BACH2: variants seen among roughly 807,000 people sequenced by gnomAD.
BACH2 encodes BACH transcriptional regulator 2.
BACH2 carries 5 observed loss-of-function variants against 61.8 expected under a neutral mutation model. The ratio of observed to expected loss-of-function variants is 0.08; its 90% CI spans 0.04 to 0.17. The LOEUF is 0.17. Among genes scored for constraint, BACH2 ranks in the 10% least tolerant of loss-of-function variants. The pLI is 1.00. For synonymous variants in BACH2, 446 were observed against 440.1 expected (o/e 1.01, Z -0.17); for missense variants, 824 against 1,091.1 (o/e 0.76, Z 3.45).
chr6:90,091,765 G>A (rs1184376037), intron 4 of BACH2, among the ~76,000 whole-genome samples: 1 of 152,162 alleles, frequency 6.6e-6, no homozygotes, highest in East Asian at 1.9e-4. Flanking sequence ...ATCCTATTTT[G>A]GGAGTGATTT....
intron 4 of BACH2, among the ~76,000 whole-genome samples, chr6:90,096,004 A>G (rs1473948231): frequency 1.3e-5 from 2 of 152,160 alleles, no homozygotes; most frequent in African/African-American, 2.4e-5. Context: ...TTTCCTGTAC[A>G]ACACTGCCTT....
chr6:90,059,418 CA>C (rs1441238574), intron 5 of BACH2, among the ~76,000 whole-genome samples: 6 of 152,162 alleles, frequency 3.9e-5, no homozygotes, highest in African/African-American at 1.4e-4. Context: ...ATCAAAACCA[CA>C]AGGAGATACC....
At chr6:90,072,271 T>C (rs1781267415) in intron 5 of BACH2, among the ~76,000 whole-genome samples, 1 of 152,206 alleles carries the variant, frequency 6.6e-6, no homozygotes, top group African/African-American at 2.4e-5. Flanking sequence ...GTGCCTCTAC[T>C]TGAGTGAACT....
intron 6 of BACH2, among the ~76,000 whole-genome samples, chr6:90,007,081 AT>A (rs1446052604): frequency 6.6e-6 from 1 of 151,564 alleles, no homozygotes; most frequent in Non-Finnish European, 1.5e-5. Flanking sequence ...AATTATTATT[AT>A]TATTTTTTTT....
At chr6:90,078,339 T>C (rs1781566336) in intron 5 of BACH2, among the ~76,000 whole-genome samples, 5 of 152,064 alleles carry the variant, frequency 3.3e-5, no homozygotes, top group Admixed American at 1.3e-4. Flanking sequence ...AGGGAGAAGG[T>C]AAAAATTACT....
chr6:89,985,669 G>A (rs1042350922), intron 6 of BACH2, among the ~76,000 whole-genome samples: 1 of 152,084 alleles, frequency 6.6e-6, no homozygotes, highest in East Asian at 1.9e-4. Flanking sequence ...GGGGAAAATC[G>A]GAATACTCAA....
intron 4 of BACH2, among the ~76,000 whole-genome samples, chr6:90,173,631 T>C (rs1178345738): frequency 1.3e-5 from 2 of 152,022 alleles, no homozygotes; most frequent in South Asian, 2.1e-4. Context: ...CAAAATAACA[T>C]AGTGATAAAA....
intron 2 of BACH2, among the ~76,000 whole-genome samples, chr6:90,269,988 T>A (rs1771468228): frequency 6.6e-6 from 1 of 152,206 alleles, no homozygotes; most frequent in Non-Finnish European, 1.5e-5. Flanking sequence ...TATATTTGGT[T>A]TTCCATTCCT....
intron 6 of BACH2, among the ~76,000 whole-genome samples, chr6:89,995,953 A>G (rs1251551155): frequency 6.6e-6 from 1 of 152,236 alleles, no homozygotes; most frequent in African/African-American, 2.4e-5. Context: ...AGCAATTCGG[A>G]GTAAACCTTG....
rs946175133 is a variant in BACH2 at position 89,968,390 on chromosome 6, C to G, written c.244-16528G>C. Among the ~76,000 whole-genome samples, 9 of 152,362 alleles carry G rather than the reference C, an allele frequency of 5.9e-5. No individual in the cohort carries two copies. The South Asian group carries it at 1.9e-3, about 32-fold the overall frequency. On this transcript the variant is annotated intron_variant, in intron 6 of 8. Coordinates refer to ENST00000257749, the MANE Select transcript of BACH2 (RefSeq NM_021813.4). The stretch of plus-strand genomic sequence containing the variant: ...CAAGGACCAAGTCTTACACTTCTTA[C>G]ATGTCCTCTGCATAAATTCTAATAA...
chr6:90,155,727 T>TACC (rs1025301724), intron 4 of BACH2, among the ~76,000 whole-genome samples: 1 of 152,190 alleles, frequency 6.6e-6, no homozygotes, highest in Non-Finnish European at 1.5e-5. Context: ...TCCTAGCAAT[T>TACC]ACCACCTTCT....
chr6:89,981,963 C>T (rs961508288), intron 6 of BACH2, among the ~76,000 whole-genome samples: 138 of 152,004 alleles, frequency 9.1e-4, no homozygotes, highest in African/African-American at 3.3e-3. Flanking sequence ...ATGCAGGTTG[C>T]TAGAGATTTC....
intron 3 of BACH2, among the ~76,000 whole-genome samples, chr6:90,239,554 C>T (rs1770367757): frequency 6.6e-6 from 1 of 152,128 alleles, no homozygotes; most frequent in South Asian, 2.1e-4. Context: ...TCTCTTTTCA[C>T]TTTAAAAATT....
intron 6 of BACH2, among the ~76,000 whole-genome samples, chr6:89,995,657 C>A (rs1436638165): frequency 6.6e-6 from 1 of 152,100 alleles, no homozygotes; most frequent in African/African-American, 2.4e-5. Flanking sequence ...ATGGCTTTGA[C>A]CCCGAGTGAT....
At chr6:90,156,832 T>A (rs944319838) in intron 4 of BACH2, among the ~76,000 whole-genome samples, 1 of 152,078 alleles carries the variant, frequency 6.6e-6, no homozygotes, top group South Asian at 2.1e-4. Flanking sequence ...CTAAAATACA[T>A]GCACCAAAAC....
intron 5 of BACH2, among the ~76,000 whole-genome samples, chr6:90,085,226 A>T (rs1781884016): frequency 6.6e-6 from 1 of 152,122 alleles, no homozygotes; most frequent in African/African-American, 2.4e-5. Context: ...CATCATAATA[A>T]TCATAGGCCC....
intron 6 of BACH2, among the ~76,000 whole-genome samples, chr6:89,966,051 G>A (rs1348336327): frequency 6.6e-6 from 1 of 152,206 alleles, no homozygotes; most frequent in Admixed American, 6.5e-5. Context: ...AGCTTCTCAA[G>A]CAGAGCCCTT....
intron 3 of BACH2, among the ~76,000 whole-genome samples, chr6:90,207,783 G>GAATAACAC (rs1256543601): frequency 6.6e-6 from 1 of 152,104 alleles, no homozygotes; most frequent in African/African-American, 2.4e-5. Context: ...TTAGTTCTTA[G>GAATAACAC]TAATCAGCCT....
At chr6:90,250,119 CTGAA>C (rs1770759088) in intron 3 of BACH2, among the ~76,000 whole-genome samples, 1 of 152,076 alleles carries the variant, frequency 6.6e-6, no homozygotes, top group Admixed American at 6.5e-5. Flanking sequence ...CTTTTGATTT[CTGAA>C]TGAAAGAACA....
Sources: allele counts gnomAD v4.1 joint callset (sites outside exome capture counted in the v4.1 genomes callset), GRCh38; gene constraint gnomAD v4.1.1; transcripts MANE v1.5; gene names NCBI Gene and HGNC (gene_info 2026-07-23, HGNC 2026-07-21).